Variants in AZIN1 observed in about 807,000 individuals in gnomAD.
AZIN1 encodes the protein ornithine decarboxylase antizyme inhibitor.
A neutral mutation model predicts 47.4 loss-of-function variants in AZIN1; 12 were observed. That is an observed-to-expected ratio of 0.25 (90% CI 0.16 to 0.41). The LOEUF (loss-of-function observed/expected upper bound fraction) is 0.41. Among genes scored for constraint, AZIN1 ranks in the 10% least tolerant of loss-of-function variants. The pLI, the probability that AZIN1 is intolerant of heterozygous loss-of-function variation, is 1.00. For synonymous variants in AZIN1, 155 were observed against 176.3 expected, an observed-to-expected ratio of 0.88 and a Z score of 0.96; for missense variants, 410 against 532.4, an observed-to-expected ratio of 0.77 and a Z score of 2.26.
intron 2 of AZIN1, among the ~76,000 whole-genome samples, chr8:102,856,985 G>A (rs1031739311): frequency 6.6e-6 from 1 of 152,174 alleles, no homozygotes; most frequent in African/African-American, 2.4e-5. Flanking sequence ...AAGAAATTAT[G>A]CCAGTTTAAC....
At chr8:102,861,928 C>T (rs1057083021) in intron 1 of AZIN1, among the ~76,000 whole-genome samples, 2 of 151,470 alleles carry the variant, frequency 1.3e-5, no homozygotes, top group Admixed American at 6.6e-5. Flanking sequence ...CCCAGCTGCT[C>T]GGGAGGCTGA....
At chr8:102,848,701 A>G (rs955630753) in intron 2 of AZIN1, among the ~76,000 whole-genome samples, 2 of 152,202 alleles carry the variant, frequency 1.3e-5, no homozygotes, top group Admixed American at 6.5e-5. Flanking sequence ...GTCCTAAAAA[A>G]GCAGCTCAAA....
chr8:102,843,407 G>A, intron 3 of AZIN1, 144 bp downstream of exon 3: 1 of 635,322 alleles, frequency 1.6e-6, no homozygotes, highest in Non-Finnish European at 2.7e-6. Context: ...CTCAAGGGGA[G>A]TGGGTGTGGG....
intron 2 of AZIN1, among the ~76,000 whole-genome samples, chr8:102,846,504 CG>C (rs775666290): frequency 6.6e-5 from 10 of 152,106 alleles, no homozygotes; most frequent in Admixed American, 1.3e-4. Flanking sequence ...ACCACAATGA[CG>C]GTATTATCTC....
At chr8:102,835,938 A>G (rs553295548) in intron 6 of AZIN1, among the ~76,000 whole-genome samples, 25 of 152,338 alleles carry the variant, frequency 1.6e-4, no homozygotes, top group African/African-American at 4.8e-4. Flanking sequence ...TATTTTCATT[A>G]AGAATTCTAG....
At chr8:102,840,555 G>A (rs1444256637) in intron 3 of AZIN1, among the ~76,000 whole-genome samples, 2 of 152,098 alleles carry the variant, frequency 1.3e-5, no homozygotes, top group Non-Finnish European at 2.9e-5. Flanking sequence ...TGCACATGGA[G>A]ATGTCAAAAT....
rs544886589 is a variant in AZIN1, at chr8:102,843,658, C to G, written c.-6G>C. On this transcript the variant is annotated 5_prime_UTR_variant, in exon 3 of 12. Transcript: ENST00000337198. ...TCATCAATAAATCCTTTCATCTCAG[C>G]CGTATTCCACAAAGCCGAAAGTCAT... 4.3e-6 allele frequency: 7 copies of G among 1,613,750 alleles called. No homozygotes were observed. In the African/African-American group the frequency reaches 8.0e-5, roughly 18 times the overall value.
intron 1 of AZIN1, among the ~76,000 whole-genome samples, chr8:102,858,902 C>T (rs1813455561): frequency 6.6e-6 from 1 of 152,202 alleles, no homozygotes; most frequent in Non-Finnish European, 1.5e-5. Flanking sequence ...CTCATCACTT[C>T]TAAGCTAAAA....
intron 9 of AZIN1, among the ~76,000 whole-genome samples, chr8:102,830,680 G>GA (rs1450328510): frequency 4.1e-5 from 6 of 145,990 alleles, no homozygotes; most frequent in South Asian, 2.1e-4. Flanking sequence ...AAAAGAAAAA[G>GA]AAAACAGTGC....
chr8:102,836,487 C>T (rs1811831807), intron 5 of AZIN1, 97 bp from the exon 6 acceptor site: 4 of 1,335,292 alleles, frequency 3.0e-6, no homozygotes, highest in Non-Finnish European at 4.2e-6. Flanking sequence ...ATTATGTTGC[C>T]AGTGCTCCCA....
At chr8:102,863,650 G>A (rs947329482) in intron 1 of AZIN1, among the ~76,000 whole-genome samples, 157 bp downstream of exon 1, 1 of 149,312 alleles carries the variant, frequency 6.7e-6, no homozygotes, top group African/African-American at 2.4e-5. Flanking sequence ...CGCCGCCGGG[G>A]GCACAGACAG....
intron 1 of AZIN1, among the ~76,000 whole-genome samples, 188 bp from the exon 2 acceptor site, chr8:102,858,338 G>A (rs1813419644): frequency 6.6e-6 from 1 of 152,128 alleles, no homozygotes; most frequent in Admixed American, 6.5e-5. Context: ...ACATTTCCAA[G>A]CTGCTATAAA....
In AZIN1 at chr8:102,840,976, G is replaced by A. The variant is rs568078160; in HGVS notation, c.103-1153C>T. ...ATTTGGGAAAAAATAAGGTATTTAC[G>A]GGAACCACAAGAGAAATGGGATGAA... On this transcript the variant is annotated intron_variant, in intron 3 of 11. Coordinates refer to ENST00000337198, the MANE Select transcript of AZIN1 (RefSeq NM_148174.4). Among the ~76,000 whole-genome samples the A allele has an allele frequency of 5.5e-5, 7 of 127,486 alleles. No homozygotes were observed. In the South Asian group the frequency reaches 1.1e-3, roughly 20 times the overall value. The allele number at this position is 127,486 out of a possible 152,430, so 83.6% of individuals were successfully genotyped here.
intron 5 of AZIN1, among the ~76,000 whole-genome samples, chr8:102,838,389 C>T (rs1811958325): frequency 6.6e-6 from 1 of 152,116 alleles, no homozygotes; most frequent in Admixed American, 6.5e-5. Context: ...AAAATGCTGA[C>T]CAAAGTTTAT....
At chr8:102,848,173 A>G (rs1812694523) in intron 2 of AZIN1, among the ~76,000 whole-genome samples, 1 of 152,154 alleles carries the variant, frequency 6.6e-6, no homozygotes, top group Admixed American at 6.5e-5. Context: ...CGTAGGCTGT[A>G]CTATCTAGGT....
At position 102,838,888 on chromosome 8, in the gene AZIN1, C is replaced by A; in HGVS notation, c.305G>T (p.Gly102Val). 1.2e-6 allele frequency: 2 copies of A among 1,612,414 alleles called. No homozygotes were observed. The highest frequency in any genetic ancestry group is 1.7e-6 in the Non-Finnish European group (2 of 1,179,392). The change falls in exon 5 of 12, where the codon GGT becomes GTT. Residue 102 changes from glycine to valine, a missense_variant. Transcript: ENST00000337198. Reference protein sequence around the residue: ...KNEMALVQELGVPPENIIYIS... With the variant: ...KNEMALVQELVVPPENIIYIS... ...GTAAATAATGTTTTCTGGAGGTACA[C>A]CCAACTCTTGCACTAAAGCCATTTC...
chr8:102,842,942 C>T (rs1173917950), intron 3 of AZIN1, among the ~76,000 whole-genome samples: 5 of 151,592 alleles, frequency 3.3e-5, no homozygotes, highest in African/African-American at 9.7e-5. Context: ...TGAGGCTGGG[C>T]GCGGTGGCTC....
chr8:102,847,765 A>G (rs1182251810), intron 2 of AZIN1, among the ~76,000 whole-genome samples: 4 of 151,968 alleles, frequency 2.6e-5, no homozygotes, highest in Non-Finnish European at 4.4e-5. Context: ...TATTTTTTGT[A>G]GAAAACTCTT....
chr8:102,843,389 G>A (rs1812348827), intron 3 of AZIN1, among the ~76,000 whole-genome samples, 162 bp downstream of exon 3: 1 of 152,094 alleles, frequency 6.6e-6, no homozygotes, highest in Admixed American at 6.6e-5. Flanking sequence ...AAGAAAAATG[G>A]ATCACTACTC....
Sources: gnomAD v4.1 joint callset for allele counts (sites outside exome capture counted in the v4.1 genomes callset) on GRCh38, gnomAD v4.1.1 for gene constraint, MANE v1.5 for transcripts, NCBI Gene and HGNC (gene_info 2026-07-23, HGNC 2026-07-21) for gene names.